The following SLC71A2 variants were observed in gnomAD, a reference collection of about 807,000 sequenced individuals.
SLC71A2 encodes the protein hippocampus abundant transcript-like 1.
the SLC71A2 span, among the ~76,000 whole-genome samples, chr9:94,450,706 G>A: frequency 6.6e-6 from 1 of 151,944 alleles, no homozygotes; most frequent in Non-Finnish European, 1.5e-5. Flanking sequence ...GGTCAGGCTG[G>A]TCTCGAACTG....
the SLC71A2 span, among the ~76,000 whole-genome samples, chr9:94,414,615 A>C: frequency 6.6e-6 from 1 of 152,164 alleles, no homozygotes; most frequent in African/African-American, 2.4e-5. Context: ...TTGATTTTCT[A>C]CTAAAGCTCC....
the SLC71A2 span, among the ~76,000 whole-genome samples, chr9:94,454,923 A>G: frequency 6.6e-6 from 1 of 152,066 alleles, no homozygotes. Flanking sequence ...GAAAAATTAG[A>G]AGGAATCGTG....
chr9:94,439,360 C>T, the SLC71A2 span, among the ~76,000 whole-genome samples: 2 of 151,284 alleles, frequency 1.3e-5, no homozygotes, highest in African/African-American at 2.4e-5. Flanking sequence ...AGCATGTGAC[C>T]AAAGCCCATT....
chr9:94,421,697 T>C, the SLC71A2 span, among the ~76,000 whole-genome samples: 1 of 152,158 alleles, frequency 6.6e-6, no homozygotes, highest in Admixed American at 6.6e-5. Context: ...TATTTTGCGT[T>C]TTGTGTGATT....
At chr9:94,440,996 C>T in the SLC71A2 span, 12 of 1,605,192 alleles carry the variant, frequency 7.5e-6, no homozygotes, top group Admixed American at 1.7e-5. Context: ...TGGTATTTTG[C>T]GATGATTTCT....
the SLC71A2 span, among the ~76,000 whole-genome samples, chr9:94,444,601 C>T: frequency 6.6e-6 from 1 of 152,106 alleles, no homozygotes; most frequent in East Asian, 1.9e-4. Flanking sequence ...CATCCCCGGT[C>T]CCCAGTTAAA....
At chr9:94,430,758 A>G in the SLC71A2 span, among the ~76,000 whole-genome samples, 1 of 152,124 alleles carries the variant, frequency 6.6e-6, no homozygotes, top group Non-Finnish European at 1.5e-5. Flanking sequence ...AACACTTTTT[A>G]TATTTTATTT....
At chr9:94,410,728 A>G in the SLC71A2 span, among the ~76,000 whole-genome samples, 2 of 152,190 alleles carry the variant, frequency 1.3e-5, no homozygotes, top group African/African-American at 4.8e-5. Flanking sequence ...ACAAAATAAA[A>G]TTAAATAACC....
At chr9:94,447,820 A>G in the SLC71A2 span, among the ~76,000 whole-genome samples, 6 of 152,160 alleles carry the variant, frequency 3.9e-5, no homozygotes, top group African/African-American at 1.2e-4. Context: ...CCCTTATGCT[A>G]TGCCTGTTTA....
the SLC71A2 span, among the ~76,000 whole-genome samples, chr9:94,382,343 C>G: frequency 2.0e-5 from 3 of 151,296 alleles, no homozygotes; most frequent in Non-Finnish European, 4.4e-5. Flanking sequence ...ACTTATATGT[C>G]TTCTGTATAT....
At chr9:94,442,272 T>C in the SLC71A2 span, among the ~76,000 whole-genome samples, 1 of 152,210 alleles carries the variant, frequency 6.6e-6, no homozygotes, top group Non-Finnish European at 1.5e-5. Flanking sequence ...GAATCAATGA[T>C]GGGCATATAA....
the SLC71A2 span, among the ~76,000 whole-genome samples, chr9:94,378,100 C>T: frequency 6.9e-6 from 1 of 144,212 alleles, no homozygotes; most frequent in East Asian, 2.0e-4. Context: ...GCACTCCAGC[C>T]TGGCGACAGA....
At chr9:94,445,083 C>G in the SLC71A2 span, 1 of 1,614,200 alleles carries the variant, frequency 6.2e-7, no homozygotes, top group Non-Finnish European at 8.5e-7. Flanking sequence ...TTCTGGACAT[C>G]TGCTTCATCT....
chr9:94,414,956 C>G, the SLC71A2 span, among the ~76,000 whole-genome samples: 4 of 152,156 alleles, frequency 2.6e-5, no homozygotes, highest in South Asian at 2.1e-4. Context: ...CCACACCCAA[C>G]CGAAAGTCTG....
At chr9:94,401,638 C>T in the SLC71A2 span, among the ~76,000 whole-genome samples, 347 of 152,090 alleles carry the variant, frequency 2.3e-3, 4 homozygotes, top group Middle Eastern at 6.8e-3. Flanking sequence ...CTTGATTTTG[C>T]GTCAAGGACC....
the SLC71A2 span, among the ~76,000 whole-genome samples, chr9:94,382,298 A>T: frequency 1.3e-5 from 2 of 151,976 alleles, no homozygotes; most frequent in African/African-American, 4.8e-5. Context: ...AAGTGCTGGG[A>T]TTACAGGTGT....
chr9:94,459,216 CT>C, the SLC71A2 span: 1 of 1,613,840 alleles, frequency 6.2e-7, no homozygotes, highest in South Asian at 1.1e-5. Flanking sequence ...GTCCTTATGT[CT>C]TTTCTGGTTG....
At chr9:94,385,112 T>C in the SLC71A2 span, among the ~76,000 whole-genome samples, 1 of 152,144 alleles carries the variant, frequency 6.6e-6, no homozygotes, top group African/African-American at 2.4e-5. Flanking sequence ...TATTCTATTA[T>C]AGCAGCACAA....
the SLC71A2 span, among the ~76,000 whole-genome samples, chr9:94,384,077 A>T: frequency 6.6e-6 from 1 of 152,196 alleles, no homozygotes; most frequent in South Asian, 2.1e-4. Context: ...GTATATTCAC[A>T]TTGTTCTGCA....
Sources: gnomAD v4.1 joint callset for allele counts (sites outside exome capture counted in the v4.1 genomes callset) on GRCh38, gnomAD v4.1.1 for gene constraint, MANE v1.5 for transcripts, NCBI Gene and HGNC (gene_info 2026-07-23, HGNC 2026-07-21) for gene names.